Variants in PTPRG observed in about 807,000 individuals in gnomAD.
PTPRG encodes the protein protein tyrosine phosphatase receptor type G.
PTPRG carries 102 observed loss-of-function variants against 165.3 expected under a neutral mutation model. That is an observed-to-expected ratio of 0.62 (90% CI 0.53 to 0.73). The LOEUF is 0.73. Ranked by LOEUF, PTPRG falls within the 30% of genes least tolerant of loss-of-function variation. The pLI is 0.00. For synonymous variants in PTPRG, 675 were observed against 669.5 expected (o/e 1.01, Z -0.13); for missense variants, 1,866 against 1,861.4 (o/e 1.00, Z -0.05).
chr3:61,965,738 C>T (rs2040256193), intron 2 of PTPRG, among the ~76,000 whole-genome samples: 1 of 152,192 alleles, frequency 6.6e-6, no homozygotes, highest in Non-Finnish European at 1.5e-5. Flanking sequence ...CTAAGCATTT[C>T]ACCTCATGTA....
chr3:61,990,485 T>A (rs1319915477), intron 3 of PTPRG, among the ~76,000 whole-genome samples: 2 of 152,240 alleles, frequency 1.3e-5, no homozygotes, highest in Non-Finnish European at 1.5e-5. Flanking sequence ...CATCGTCTTT[T>A]TACCATTGCT....
intron 1 of PTPRG, among the ~76,000 whole-genome samples, chr3:61,635,244 T>C (rs1021514802): frequency 6.6e-6 from 1 of 151,360 alleles, no homozygotes; most frequent in Non-Finnish European, 1.5e-5. Context: ...TGTCATGGAG[T>C]TGCTAAAAAT....
chr3:61,657,130 T>G (rs1253921421), intron 1 of PTPRG, among the ~76,000 whole-genome samples: 2 of 152,208 alleles, frequency 1.3e-5, no homozygotes, highest in Admixed American at 1.3e-4. Context: ...AAAGTATGAT[T>G]GGAGGACAAA....
At chr3:61,996,413 C>T in intron 3 of PTPRG, among the ~76,000 whole-genome samples, 1 of 152,142 alleles carries the variant, frequency 6.6e-6, no homozygotes, top group Non-Finnish European at 1.5e-5. Context: ...AGTCATCATT[C>T]CTTGATCAAC....
At chr3:61,953,568 ATGTGAT>A (rs2039950306) in intron 2 of PTPRG, among the ~76,000 whole-genome samples, 1 of 152,136 alleles carries the variant, frequency 6.6e-6, no homozygotes. Flanking sequence ...AGTGTAATAA[ATGTGAT>A]TGTTGTGGTG....
At chr3:61,638,328 C>T (rs2106946244) in intron 1 of PTPRG, among the ~76,000 whole-genome samples, 2 of 151,996 alleles carry the variant, frequency 1.3e-5, no homozygotes, top group South Asian at 4.2e-4. Flanking sequence ...TGTAGAGCAG[C>T]ATCTCTCCAT....
intron 3 of PTPRG, among the ~76,000 whole-genome samples, chr3:61,990,685 T>C (rs924748864): frequency 2.2e-4 from 34 of 152,360 alleles, no homozygotes; most frequent in African/African-American, 7.9e-4. Flanking sequence ...TTTTTCACTC[T>C]TATTACTTAA....
chr3:61,870,242 A>G (rs1257462541), intron 2 of PTPRG, among the ~76,000 whole-genome samples: 1 of 152,064 alleles, frequency 6.6e-6, no homozygotes, highest in Non-Finnish European at 1.5e-5. Context: ...TTGGGGAACT[A>G]TATAAAAATA....
At chr3:61,687,164 G>A (rs998345635) in intron 1 of PTPRG, among the ~76,000 whole-genome samples, 2 of 152,136 alleles carry the variant, frequency 1.3e-5, no homozygotes, top group African/African-American at 2.4e-5. Context: ...AGGAAAAGAC[G>A]TAGGAAATCT....
chr3:61,775,500 G>A (rs763616366), intron 2 of PTPRG, among the ~76,000 whole-genome samples: 1 of 152,082 alleles, frequency 6.6e-6, no homozygotes, highest in Non-Finnish European at 1.5e-5. Context: ...ATAATGTTAC[G>A]GGAGAAATGC....
At chr3:62,134,217 C>T (rs1312365908) in intron 6 of PTPRG, among the ~76,000 whole-genome samples, 7 of 152,074 alleles carry the variant, frequency 4.6e-5, no homozygotes. Flanking sequence ...CCAAGATGCC[C>T]GGGGTGTGGT....
intron 1 of PTPRG, among the ~76,000 whole-genome samples, chr3:61,693,516 C>G (rs780986961): frequency 6.6e-6 from 1 of 152,134 alleles, no homozygotes; most frequent in African/African-American, 2.4e-5. Flanking sequence ...GGGGGCTGGA[C>G]TTGGTGCTGA....
chr3:62,212,257 G>T (rs1306669355), intron 12 of PTPRG, among the ~76,000 whole-genome samples: 1 of 152,162 alleles, frequency 6.6e-6, no homozygotes, highest in Non-Finnish European at 1.5e-5. Context: ...CACTGGGGGA[G>T]TACTGGGTAT....
intron 1 of PTPRG, among the ~76,000 whole-genome samples, chr3:61,590,675 G>T (rs527266332): frequency 2.0e-5 from 3 of 152,282 alleles, no homozygotes; most frequent in Admixed American, 6.5e-5. Context: ...GAAATACATA[G>T]ATTATTTTTA....
intron 5 of PTPRG, among the ~76,000 whole-genome samples, chr3:62,119,629 T>A (rs1431221701): frequency 6.6e-6 from 1 of 151,698 alleles, no homozygotes; most frequent in Non-Finnish European, 1.5e-5. Flanking sequence ...TTTATTTTTT[T>A]ATTTATTTTG....
intron 2 of PTPRG, among the ~76,000 whole-genome samples, chr3:61,777,070 T>C (rs2034405389): frequency 6.6e-6 from 1 of 152,198 alleles, no homozygotes; most frequent in Non-Finnish European, 1.5e-5. Context: ...CTCAAATAAA[T>C]ATTTGAAGCA....
chr3:62,185,184 C>T (rs1705827061), intron 8 of PTPRG, among the ~76,000 whole-genome samples: 1 of 152,112 alleles, frequency 6.6e-6, no homozygotes, highest in African/African-American at 2.4e-5. Flanking sequence ...GGCAGAAATT[C>T]TCAGAGCTGG....
At chr3:62,099,635 T>C (rs1286224069) in intron 5 of PTPRG, among the ~76,000 whole-genome samples, 1 of 152,096 alleles carries the variant, frequency 6.6e-6, no homozygotes, top group African/African-American at 2.4e-5. Context: ...TGTTATTAAT[T>C]AATACTGTTA....
At chr3:61,594,231 C>CA (rs753296949) in intron 1 of PTPRG, among the ~76,000 whole-genome samples, 4 of 152,006 alleles carry the variant, frequency 2.6e-5, no homozygotes, top group African/African-American at 9.6e-5. Flanking sequence ...GGTTTAAACA[C>CA]AAAGAGAGGA....
Sources: gnomAD v4.1 joint callset for allele counts (sites outside exome capture counted in the v4.1 genomes callset) on GRCh38, gnomAD v4.1.1 for gene constraint, MANE v1.5 for transcripts, NCBI Gene and HGNC (gene_info 2026-07-23, HGNC 2026-07-21) for gene names.